Variants in NHS observed in about 807,000 individuals in gnomAD.
NHS encodes the protein actin remodeling regulator NHS.
NHS carries 5 observed loss-of-function variants against 72.5 expected under a neutral mutation model. The ratio of observed to expected loss-of-function variants is 0.07; its 90% CI spans 0.04 to 0.14. NHS has a LOEUF of 0.14. Ranked by LOEUF, NHS falls within the 10% of genes least tolerant of loss-of-function variation. The probability of loss-of-function intolerance (pLI) is 1.00; values close to 1 mark genes in which losing one functional copy is unlikely to be tolerated. For synonymous variants in NHS, 464 were observed against 547.7 expected (o/e 0.85, Z 2.13); for missense variants, 1,072 against 1,355.7 (o/e 0.79, Z 3.29).
At chrX:17,630,325 A>G (rs925167594) in intron 1 of NHS, among the ~76,000 whole-genome samples, 1 of 107,079 alleles carries the variant, frequency 9.3e-6, no homozygotes, top group Non-Finnish European at 1.9e-5. Flanking sequence ...CTTATGTAAA[A>G]GGGGACCTTG....
At chrX:17,585,177 A>T (rs2065568312) in intron 1 of NHS, among the ~76,000 whole-genome samples, 2 of 111,516 alleles carry the variant, frequency 1.8e-5, no homozygotes, top group African/African-American at 6.5e-5. Context: ...CTTAGAGTTA[A>T]TCATTATTTA....
chrX:17,719,002 T>G (rs1266458441), intron 3 of NHS, among the ~76,000 whole-genome samples: 16 of 63,539 alleles, frequency 2.5e-4, no homozygotes, highest in South Asian at 7.7e-4. Context: ...GAAGAAGGAA[T>G]GGAAGAAGAA....
intron 1 of NHS, among the ~76,000 whole-genome samples, chrX:17,570,081 A>G (rs1316517576): frequency 1.8e-5 from 2 of 111,775 alleles, no homozygotes; most frequent in South Asian, 3.7e-4. Flanking sequence ...GCCTTGTAGC[A>G]TACTTTGAAG....
At chrX:17,522,520 C>A (rs1324927856) in intron 1 of NHS, among the ~76,000 whole-genome samples, 1 of 97,525 alleles carries the variant, frequency 1.0e-5, no homozygotes, top group East Asian at 3.5e-4. Context: ...CCATCCCCCC[C>A]ATCCGGAAGC....
intron 1 of NHS, among the ~76,000 whole-genome samples, chrX:17,402,235 G>C (rs1309404194): frequency 9.0e-6 from 1 of 111,662 alleles, no homozygotes; most frequent in Non-Finnish European, 1.9e-5. Flanking sequence ...TACATTGCTG[G>C]GGAACAGTTT....
intron 1 of NHS, among the ~76,000 whole-genome samples, chrX:17,445,998 C>CA (rs1265853537): frequency 9.0e-6 from 1 of 110,841 alleles, no homozygotes; most frequent in Admixed American, 9.7e-5. Flanking sequence ...TTCCTCTTCT[C>CA]ATATTTGGAC....
In NHS at chrX:17,419,886, C is replaced by G. The variant is rs190558955; in HGVS notation, c.565+43564C>G. 2.8e-4 allele frequency among the ~76,000 whole-genome samples: 31 copies of G among 112,083 alleles called. No individual in the cohort carries two copies. In the Admixed American group the frequency reaches 2.8e-3, roughly 10 times the overall value. ...ATACTTTTGGAATAAGTAATTCTGT[C>G]TTTCCTAATATTTCTAGATATTGGG... On this transcript the variant is annotated intron_variant, in intron 1 of 8. Transcript: ENST00000676302.
At chrX:17,386,988 A>G (rs1334973427) in intron 1 of NHS, among the ~76,000 whole-genome samples, 1 of 112,425 alleles carries the variant, frequency 8.9e-6, no homozygotes, top group Non-Finnish European at 1.9e-5. Flanking sequence ...TGCTCTCTGC[A>G]TACACCATGA....
chrX:17,383,679 C>A (rs747927018), intron 1 of NHS, among the ~76,000 whole-genome samples: 3 of 112,132 alleles, frequency 2.7e-5, no homozygotes, highest in South Asian at 7.5e-4. Flanking sequence ...AGTGGGGAAT[C>A]TGCCCCCATG....
At chrX:17,516,448 T>G (rs1282394492) in intron 1 of NHS, among the ~76,000 whole-genome samples, 2 of 111,054 alleles carry the variant, frequency 1.8e-5, no homozygotes, top group Admixed American at 9.7e-5. Context: ...CAGTGGCTAC[T>G]TCTTTCCAGG....
chrX:17,670,889 G>A (rs1221843395), intron 1 of NHS, among the ~76,000 whole-genome samples: 1 of 112,372 alleles, frequency 8.9e-6, no homozygotes, highest in African/African-American at 3.2e-5. Flanking sequence ...AGGTTATGGA[G>A]TAGCCCGTTC....
chrX:17,391,397 T>G (rs758064414), intron 1 of NHS, among the ~76,000 whole-genome samples: 17 of 112,416 alleles, frequency 1.5e-4, no homozygotes, highest in African/African-American at 5.5e-4. Flanking sequence ...TATAGAGTTG[T>G]GTAGATTAAG....
At chrX:17,682,584 TTC>T (rs1359633663) in intron 1 of NHS, among the ~76,000 whole-genome samples, 9 of 111,416 alleles carry the variant, frequency 8.1e-5, no homozygotes, top group Non-Finnish European at 1.7e-4. Flanking sequence ...CAAATTCCAT[TTC>T]TGAGTCATTT....
At chrX:17,682,656 C>T (rs1228675927) in intron 1 of NHS, among the ~76,000 whole-genome samples, 1 of 111,456 alleles carries the variant, frequency 9.0e-6, no homozygotes, top group Non-Finnish European at 1.9e-5. Context: ...TCAGCTGTCA[C>T]CTCCCCCTTC....
At chrX:17,704,425 C>T (rs1315788021) in intron 3 of NHS, among the ~76,000 whole-genome samples, 2 of 110,579 alleles carry the variant, frequency 1.8e-5, no homozygotes. Context: ...CTCAGCCTCC[C>T]GAGTAGCTGG....
chrX:17,672,833 C>A (rs974270303), intron 1 of NHS, among the ~76,000 whole-genome samples: 1 of 112,216 alleles, frequency 8.9e-6, no homozygotes, highest in Non-Finnish European at 1.9e-5. Flanking sequence ...AGGACAAGGA[C>A]AATGGCGCAT....
intron 1 of NHS, among the ~76,000 whole-genome samples, chrX:17,395,094 A>G (rs2064466691): frequency 9.1e-6 from 1 of 109,864 alleles, no homozygotes; most frequent in African/African-American, 3.3e-5. Flanking sequence ...CTGTCAGCCT[A>G]CTACTCTTCC....
chrX:17,549,119 G>C (rs1305384713), intron 1 of NHS, among the ~76,000 whole-genome samples: 1 of 96,818 alleles, frequency 1.0e-5, no homozygotes, highest in Non-Finnish European at 2.0e-5. Context: ...GTTTCAAGAT[G>C]AGTAGGCCCC....
At chrX:17,393,700 C>G (rs2064457324) in intron 1 of NHS, among the ~76,000 whole-genome samples, 1 of 111,501 alleles carries the variant, frequency 9.0e-6, no homozygotes, top group South Asian at 3.8e-4. Flanking sequence ...AGTGCCCCTA[C>G]TATCAAGGTT....
Sources: gnomAD v4.1 joint callset for allele counts (sites outside exome capture counted in the v4.1 genomes callset) on GRCh38, gnomAD v4.1.1 for gene constraint, MANE v1.5 for transcripts, NCBI Gene and HGNC (gene_info 2026-07-23, HGNC 2026-07-21) for gene names.